STAG3: variants seen among roughly 807,000 people sequenced by gnomAD.
STAG3 encodes cohesin subunit SA-3.
A neutral mutation model predicts 160.7 loss-of-function variants in STAG3; 101 were observed. That is an observed-to-expected ratio of 0.63 (90% CI 0.54 to 0.74). STAG3 has a LOEUF of 0.74. STAG3 is among the 30% of genes least tolerant of loss of function. The pLI, the probability that STAG3 is intolerant of heterozygous loss-of-function variation, is 0.00. For synonymous variants in STAG3, 519 were observed against 585.0 expected (o/e 0.89, Z 1.63); for missense variants, 1,188 against 1,517.4 (o/e 0.78, Z 3.61).
chr7:100,195,457 C>A, intron 9 of STAG3, 75 bp downstream of exon 9: 1 of 1,346,816 alleles, frequency 7.4e-7, no homozygotes, highest in Non-Finnish European at 1.0e-6. Context: ...TAAGGTTTTC[C>A]CCCCTCCAAC....
At chr7:100,211,904 T>C in intron 32 of STAG3, 28 bp downstream of exon 32, 5 of 1,608,054 alleles carry the variant, frequency 3.1e-6, no homozygotes, top group Non-Finnish European at 4.3e-6. Flanking sequence ...CCCTTCTCTC[T>C]CAAGAACTAG....
In STAG3 at chr7:100,198,543, G is replaced by C; in HGVS notation, c.1313G>C (p.Arg438Pro). 3 of 1,614,098 alleles carry C rather than the reference G, an allele frequency of 1.9e-6. No individual in the cohort carries two copies. The highest frequency in any genetic ancestry group is 2.5e-6 in the Non-Finnish European group (3 of 1,180,024). Residue 438 changes from arginine to proline, a missense_variant, in exon 13 of 34, where the codon CGA becomes CCA. Coordinates refer to ENST00000615138, the MANE Select transcript of STAG3 (RefSeq NM_001282717.2). ...SVYPVVYASH[R>P]GLASAAGEFL... The stretch of plus-strand genomic sequence containing the variant: ...TACCCAGTTGTGTATGCCTCTCATC[G>C]AGGCCTGGCCTCTGCCGCAGGCGAA...
In STAG3 at chr7:100,205,123, A is replaced by C. The variant is rs1400018764; in HGVS notation, c.3070A>C (p.Lys1024Gln). 1 of 1,614,138 alleles carries C rather than the reference A, an allele frequency of 6.2e-7. No individual in the cohort carries two copies. Among genetic ancestry groups the C allele is most frequent in the Admixed American group, 1.7e-5 (1 of 60,028 alleles). ...EFSPRLFHQD[K>Q]QLLLSYLEKC... ...TTCCCCCCGACTCTTCCATCAGGAC[A>C]AGCAGCTTTTGTAAGTTGGTGGGTG... Residue 1024 changes from lysine (K) to glutamine (Q), a missense_variant, in exon 28 of 34, where the codon AAG becomes CAG. This residue lies in a region of STAG3 where 647 missense variants were observed against 717.2 expected (regional missense o/e 0.90). Transcript: ENST00000615138.
rs886545395 is a variant in STAG3, at chr7:100,186,078, C to T, written c.337-122C>T. On this transcript the variant is annotated intron_variant, in intron 4 of 33. Coordinates refer to ENST00000615138, the MANE Select transcript of STAG3 (RefSeq NM_001282717.2). ...TACCTTTCATTCTAGTTCACCAGTA[C>T]ATTGTGAAAGATGTTTTAAATGTTT... The T allele has an allele frequency of 6.0e-6, 5 of 830,546 alleles. No homozygotes were observed. In the African/African-American group the frequency reaches 8.5e-5, roughly 14 times the overall value. The allele number at this position is 830,546 out of a possible 1,614,324, so 51.4% of individuals were successfully genotyped here. A position where few individuals can be genotyped will look rare whatever the true frequency, so the allele number is the denominator to read the frequency against.
chr7:100,181,092 G>T (rs1238760901), intron 2 of STAG3, among the ~76,000 whole-genome samples: 1 of 152,130 alleles, frequency 6.6e-6, no homozygotes, highest in African/African-American at 2.4e-5. Flanking sequence ...AGATGGGGGA[G>T]TAAAGAGTTC....
chr7:100,204,740 G>C lies in STAG3; in HGVS notation c.2916G>C (p.Gln972His). The C allele has an allele frequency of 6.2e-7, 1 of 1,614,036 alleles. No individual in the cohort carries two copies. Among genetic ancestry groups the C allele is most frequent in the Middle Eastern group, 1.6e-4 (1 of 6,062 alleles). ...TTGCCTTGAGTTTTGGACCCCAGCA[G>C]CTGCAGAACCGTGACCTCGTGGTCA... ...RRFALSFGPQ[Q>H]LQNRDLVVML... The change falls in exon 27 of 34, where the codon CAG becomes CAC. Residue 972 changes from glutamine (Q) to histidine (H), a missense_variant. Transcript: ENST00000615138.
chr7:100,188,354 T>G, intron 5 of STAG3, 99 bp from the exon 6 acceptor site: 1 of 866,162 alleles, frequency 1.2e-6, no homozygotes, highest in South Asian at 1.3e-5. Flanking sequence ...ACCTAAGCTC[T>G]TTGCAGAATG....
intron 4 of STAG3, 24 bp from the exon 5 acceptor site, chr7:100,186,176 G>A (rs1214157084): frequency 3.8e-6 from 6 of 1,580,628 alleles, no homozygotes; most frequent in South Asian, 1.1e-5. Flanking sequence ...AGAAACAGAA[G>A]TCATCTACAT....
chr7:100,205,717 C>T (rs1045264027), intron 29 of STAG3, among the ~76,000 whole-genome samples: 2 of 151,814 alleles, frequency 1.3e-5, no homozygotes, highest in Non-Finnish European at 2.9e-5. Context: ...GTAATCCCAA[C>T]TACTCAGGAG....
chr7:100,204,917 G>T, intron 27 of STAG3, 88 bp from the exon 28 acceptor site: 1 of 1,575,078 alleles, frequency 6.3e-7, no homozygotes, highest in Admixed American at 1.8e-5. Flanking sequence ...GCTGGGGACG[G>T]GGGGAGGGTG....
rs748821805 is a variant in STAG3, at chr7:100,200,864, C to T, written c.1956C>T (p.Leu652=). The stretch of plus-strand genomic sequence containing the variant: ...CTGGGGCGCATGCCCTCTACCTGCT[C>T]TGTAATCCCGAATTCACTTTCTTCA... ...LEAGAHALYL[L]CNPEFTFFSR... The change falls in exon 19 of 34, where the codon CTC becomes CTT. Residue 652 remains leucine (L), a synonymous_variant. Coordinates refer to ENST00000615138, the MANE Select transcript of STAG3 (RefSeq NM_001282717.2). 1 of 1,614,228 alleles carries T rather than the reference C, an allele frequency of 6.2e-7. No individual in the cohort carries two copies. Among genetic ancestry groups the T allele is most frequent in the Admixed American group, 1.7e-5 (1 of 60,028 alleles).
intron 19 of STAG3, 41 bp from the exon 20 acceptor site, chr7:100,201,049 T>G: frequency 6.2e-7 from 1 of 1,613,770 alleles, no homozygotes; most frequent in Non-Finnish European, 8.5e-7. Flanking sequence ...GACTGATGAG[T>G]TCTGGGGGAA....
rs1034550671 is a variant in STAG3, at chr7:100,187,336, G to GT, written c.433+1050dup. On this transcript the variant is annotated intron_variant, in intron 5 of 33. Transcript: ENST00000615138. ...TCGCGCCTGGCCTGTTTTTTGGTTTGTTTTTTTTTTGTCGTTGTTGTTGTT... is the reference window on the plus strand; with the variant it reads ...TCGCGCCTGGCCTGTTTTTTGGTTTGTTTTTTTTTTTGTCGTTGTTGTTGTT... 2.7e-3 allele frequency among the ~76,000 whole-genome samples: 377 copies of GT among 139,890 alleles called. 2 individuals carry two copies. Among genetic ancestry groups the GT allele is most frequent in the South Asian group, 4.0e-3 (18 of 4,446 alleles). 91.8% of individuals were successfully genotyped at this position (139,890 alleles called of 152,430 possible). A position where few individuals can be genotyped will look rare whatever the true frequency, so the allele number is the denominator to read the frequency against.
chr7:100,211,917 G>A, intron 32 of STAG3, 41 bp downstream of exon 32: 1 of 1,591,314 alleles, frequency 6.3e-7, no homozygotes, highest in Non-Finnish European at 8.6e-7. Context: ...AGAACTAGGG[G>A]CTGATGTGCC....
At chr7:100,188,760 C>CT in intron 6 of STAG3, 52 bp from the exon 7 acceptor site, 1 of 1,583,856 alleles carries the variant, frequency 6.3e-7, no homozygotes, top group Non-Finnish European at 8.7e-7. Context: ...GCCCCTATGA[C>CT]TTCATGGACC....
chr7:100,212,084 C>T (rs935767461), intron 32 of STAG3: 1 of 506,274 alleles, frequency 2.0e-6, no homozygotes, highest in Non-Finnish European at 3.5e-6. Context: ...ATTACAAATA[C>T]CAAAGAAGGT....
Position 100,199,376 on chromosome 7 carries a change from C to T in STAG3, c.1573+9C>T, listed in dbSNP as rs1800918338. 6.2e-7 allele frequency: 1 copy of T among 1,610,748 alleles called. No individual in the cohort carries two copies. Among genetic ancestry groups the T allele is most frequent in the African/African-American group, 1.3e-5 (1 of 74,828 alleles). The stretch of plus-strand genomic sequence containing the variant: ...GCTGGAGAAGGACCAGAGTACGTGT[C>T]ACACGGAGCCAGGGACAGGGACCTT... On this transcript the variant is annotated intron_variant, in intron 15 of 33. Transcript: ENST00000615138.
chr7:100,198,451 C>T, intron 12 of STAG3, 24 bp from the exon 13 acceptor site: 6 of 1,612,098 alleles, frequency 3.7e-6, no homozygotes, highest in Non-Finnish European at 5.1e-6. Context: ...TATTCACATA[C>T]TCTTTCTGCT....
Position 100,198,563 on chromosome 7 carries a change from G to A in STAG3, c.1333G>A (p.Gly445Ser). The change falls in exon 13 of 34, where the codon GGC becomes AGC. Residue 445 changes from glycine to serine, a missense_variant. Around this residue, in one of 4 missense-constraint regions of STAG3, gnomAD observed 240 missense variants for 358.1 expected, o/e 0.67. Coordinates refer to ENST00000615138, the MANE Select transcript of STAG3 (RefSeq NM_001282717.2). Reference sequence around the variant, plus strand: ...TCATCGAGGCCTGGCCTCTGCCGCAGGCGAATTTCTGTACTGGAAGTGAGT... The same window carrying A: ...TCATCGAGGCCTGGCCTCTGCCGCAAGCGAATTTCTGTACTGGAAGTGAGT... ...ASHRGLASAA[G>S]EFLYWKLFYP... The A allele has an allele frequency of 6.2e-7, 1 of 1,613,892 alleles. No homozygotes were observed. The highest frequency in any genetic ancestry group is 1.1e-5 in the South Asian group (1 of 91,060).
Sources: allele counts gnomAD v4.1 joint callset (sites outside exome capture counted in the v4.1 genomes callset), GRCh38; gene constraint gnomAD v4.1.1; regional missense constraint gnomAD v4.1.1; transcripts MANE v1.5; gene names NCBI Gene and HGNC (gene_info 2026-07-23, HGNC 2026-07-21).